Variants in LRP2 observed in about 807,000 individuals in gnomAD.
The protein encoded by LRP2 is low-density lipoprotein receptor-related protein 2.
Under a neutral mutation model 531.0 loss-of-function variants are expected in LRP2, and 172 were observed. The observed-to-expected ratio is 0.32, with a 90% CI of 0.29 to 0.37. LRP2 has a LOEUF of 0.37. LRP2 is among the 10% of genes least tolerant of loss of function. The pLI is 1.00. For missense variants in LRP2, 5,167 were observed against 5,868.3 expected (o/e 0.88, Z 3.90); for synonymous variants, 1,992 against 2,027.6 (o/e 0.98, Z 0.47).
intron 1 of LRP2, among the ~76,000 whole-genome samples, chr2:169,350,606 C>T (rs1261125827): frequency 6.6e-6 from 1 of 151,190 alleles, no homozygotes; most frequent in African/African-American, 2.4e-5. Context: ...ACCTGTAATC[C>T]CAGTTTACTT....
intron 67 of LRP2, among the ~76,000 whole-genome samples, chr2:169,151,856 A>G (rs557278733): frequency 6.6e-6 from 1 of 152,280 alleles, no homozygotes; most frequent in African/African-American, 2.4e-5. Context: ...TGCTAAAATG[A>G]GTCTCCTGTT....
chr2:169,173,838 C>T, intron 56 of LRP2, 81 bp downstream of exon 56: 1 of 1,590,130 alleles, frequency 6.3e-7, no homozygotes, highest in Non-Finnish European at 8.6e-7. Flanking sequence ...AAGAAAGCTC[C>T]ATGTCCTCTC....
In LRP2 at chr2:169,185,354, T is replaced by C. The variant is rs542312441; in HGVS notation, c.9845+149A>G. 1.3e-5 allele frequency: 9 copies of C among 698,870 alleles called. No individual in the cohort carries two copies. The East Asian group carries it at 2.4e-4, about 19-fold the overall frequency. 43.3% of individuals were successfully genotyped at this position (698,870 alleles called of 1,614,324 possible). On this transcript the variant is annotated intron_variant, in intron 50 of 78. Coordinates refer to ENST00000649046, the MANE Select transcript of LRP2 (RefSeq NM_004525.3). ...CTGTTCTGAATCTATCATTTGAATA[T>C]CAGATACAAAGCAGAAAATAAACCT...
intron 44 of LRP2, among the ~76,000 whole-genome samples, chr2:169,200,016 C>T (rs1202469213): frequency 1.3e-5 from 2 of 152,048 alleles, no homozygotes; most frequent in Non-Finnish European, 2.9e-5. Context: ...TTTGGGAGGC[C>T]AAGGTGGGCG....
intron 30 of LRP2, among the ~76,000 whole-genome samples, chr2:169,232,407 A>G (rs1445197435): frequency 1.3e-5 from 2 of 152,146 alleles, no homozygotes; most frequent in Non-Finnish European, 2.9e-5. Context: ...TACACATACC[A>G]TGTTATTAAT....
chr2:169,228,976 A>T (rs1168447116), intron 31 of LRP2, among the ~76,000 whole-genome samples: 4 of 152,182 alleles, frequency 2.6e-5, no homozygotes, highest in Non-Finnish European at 5.9e-5. Flanking sequence ...AAAAATGGAT[A>T]TTGGAGAGCT....
rs149253726 is a variant in LRP2 at position 169,271,009 on chromosome 2, T to C, written c.2215A>G (p.Asn739Asp). The change falls in exon 16 of 79, where the codon AAT (asparagine) becomes GAT (aspartate). Residue 739 changes from asparagine to aspartate, a missense_variant. Around this residue, in one of 6 missense-constraint regions of LRP2, gnomAD observed 2,811 missense variants for 3,058.0 expected, o/e 0.92. Transcript: ENST00000649046. ...QEDVMVPVSG[N>D]PSFFVGIDFD... ...TCAATCCCGACAAAGAAAGAAGGATTCCCCGAAACTGGAACCATGACATCT... is the reference window on the plus strand; with the variant it reads ...TCAATCCCGACAAAGAAAGAAGGATCCCCCGAAACTGGAACCATGACATCT... 1 of 1,613,198 alleles carries C rather than the reference T, an allele frequency of 6.2e-7. No individual in the cohort carries two copies. The highest frequency in any genetic ancestry group is 8.5e-7 in the Non-Finnish European group (1 of 1,179,542).
intron 16 of LRP2, among the ~76,000 whole-genome samples, chr2:169,263,074 C>A (rs1292984843): frequency 1.3e-5 from 2 of 152,316 alleles, no homozygotes; most frequent in East Asian, 3.9e-4. Context: ...CCCTTCCTTA[C>A]ACCTTATACA....
chr2:169,216,356 G>T lies in LRP2; in HGVS notation c.5723C>A (p.Thr1908Lys). 1 of 1,613,690 alleles carries T rather than the reference G, an allele frequency of 6.2e-7. No individual in the cohort carries two copies. Among genetic ancestry groups the T allele is most frequent in the African/African-American group, 1.3e-5 (1 of 75,000 alleles). ...CCCAGTAAAGAGAGTTTTCACAGAT[G>T]TGCCATCCATGTTAGCACTGGCGAT... ...AKIASANMDG[T>K]SVKTLFTGNL... The change falls in exon 35 of 79, where the codon ACA becomes AAA. Residue 1908 changes from threonine to lysine, a missense_variant. Thr to Lys is a moderately conservative substitution (Grantham distance 78, BLOSUM62 -1). This residue lies in a region of LRP2 where 2,811 missense variants were observed against 3,058.0 expected (regional missense o/e 0.92). Coordinates refer to ENST00000649046, the MANE Select transcript of LRP2 (RefSeq NM_004525.3).
chr2:169,158,669 G>GA (rs1161990188), intron 63 of LRP2, among the ~76,000 whole-genome samples: 1 of 147,426 alleles, frequency 6.8e-6, no homozygotes, highest in South Asian at 2.3e-4. Flanking sequence ...AAAAAAGACT[G>GA]AAAAACTCCA....
rs1687256343 is a variant in LRP2 at position 169,177,830 on chromosome 2, C to T, written c.10366G>A (p.Val3456Met). 2 of 1,614,236 alleles carry T rather than the reference C, an allele frequency of 1.2e-6. No homozygotes were observed. Among genetic ancestry groups the T allele is most frequent in the Non-Finnish European group, 1.7e-6 (2 of 1,180,034 alleles). The change falls in exon 53 of 79, where the codon GTG becomes ATG. Residue 3456 changes from valine to methionine, a missense_variant. Transcript: ENST00000649046. Reference sequence around the variant, plus strand: ...ATGGGCTGCCTATATGGATGGTACACATGGATGTCAAATGGTCTGTGTGTT... The same window carrying T: ...ATGGGCTGCCTATATGGATGGTACATATGGATGTCAAATGGTCTGTGTGTT... ...NTTHRPFDIH[V>M]YHPYRQPIVS...
At position 169,140,469 on chromosome 2, in the gene LRP2, G is replaced by A. The variant is rs1261007195; in HGVS notation, c.13185C>T (p.Asp4395=). The change falls in exon 72 of 79, where the codon GAC becomes GAT. Residue 4395 remains aspartate, a synonymous_variant. Coordinates refer to ENST00000649046, the MANE Select transcript of LRP2 (RefSeq NM_004525.3). ...HGGNCYFDET[D]LPKCKCPSGY... ...TTCAGACTTACTTGCATTTGGGGAG[G>A]TCAGTCTCATCAAAATAGCAATTTC... 1 of 1,614,022 alleles carries A rather than the reference G, an allele frequency of 6.2e-7. No individual in the cohort carries two copies. Among genetic ancestry groups the A allele is most frequent in the Non-Finnish European group, 8.5e-7 (1 of 1,179,868 alleles).
At chr2:169,349,518 C>T (rs1257744722) in intron 1 of LRP2, among the ~76,000 whole-genome samples, 1 of 152,154 alleles carries the variant, frequency 6.6e-6, no homozygotes, top group Non-Finnish European at 1.5e-5. Context: ...GACTTTGACT[C>T]TTCATGAGAT....
Position 169,244,677 on chromosome 2 carries a change from C to A in LRP2, c.3430+16G>T, listed in dbSNP as rs781722097. 1.5e-5 allele frequency: 24 copies of A among 1,614,072 alleles called. No homozygotes were observed. The South Asian group carries it at 2.6e-4, about 18-fold the overall frequency. On this transcript the variant is annotated intron_variant, in intron 22 of 78. Transcript: ENST00000649046. Reference sequence around the variant, plus strand: ...TACGAGGCTGACCAACCAAGGGAAACCAGCTCAAAACTTACTGCAGTTCTT... The same window carrying A: ...TACGAGGCTGACCAACCAAGGGAAAACAGCTCAAAACTTACTGCAGTTCTT...
intron 20 of LRP2, 97 bp downstream of exon 20, chr2:169,247,281 A>G: frequency 7.9e-7 from 1 of 1,271,372 alleles, no homozygotes; most frequent in African/African-American, 1.5e-5. Flanking sequence ...CAGGAGCTAG[A>G]CCTTTAAGTA....
At chr2:169,199,502 A>G (rs1357210869) in intron 44 of LRP2, among the ~76,000 whole-genome samples, 1 of 152,236 alleles carries the variant, frequency 6.6e-6, no homozygotes, top group Non-Finnish European at 1.5e-5. Context: ...GGAAGCAGAA[A>G]GGAGAGGAAG....
chr2:169,157,285 T>C (rs1194221620), intron 64 of LRP2, 86 bp downstream of exon 64: 6 of 1,356,892 alleles, frequency 4.4e-6, no homozygotes, highest in South Asian at 1.2e-5. Flanking sequence ...GGGAATTAAA[T>C]AGTGATTTAT....
rs116358988 is a variant in LRP2 at position 169,294,134 on chromosome 2, A to C, written c.652+14T>G. 226 of 1,567,400 alleles carry C rather than the reference A, an allele frequency of 1.4e-4. No homozygotes were observed. Among genetic ancestry groups the C allele is most frequent in the Non-Finnish European group, 1.9e-4 (217 of 1,137,748 alleles). On this transcript the variant is annotated intron_variant, in intron 6 of 78. Transcript: ENST00000649046. ...CTCCCAACAACATGACCCAGCATAAAGAAATCACCGTACTGCAAGCATGTT... is the reference window on the plus strand; with the variant it reads ...CTCCCAACAACATGACCCAGCATAACGAAATCACCGTACTGCAAGCATGTT...
At chr2:169,138,852 A>C (rs1287848325) in intron 74 of LRP2, 146 bp from the exon 75 acceptor site, 16 of 933,738 alleles carry the variant, frequency 1.7e-5, no homozygotes, top group Non-Finnish European at 2.7e-5. Context: ...CTAAATTTAC[A>C]CTGTCAAATA....
Sources: gnomAD v4.1 joint callset for allele counts (sites outside exome capture counted in the v4.1 genomes callset) on GRCh38, gnomAD v4.1.1 for gene constraint, gnomAD v4.1.1 regional missense constraint, MANE v1.5 for transcripts, NCBI Gene and HGNC (gene_info 2026-07-23, HGNC 2026-07-21) for gene names.